The following B4GALNT3 variants were observed in gnomAD, a reference collection of about 807,000 sequenced individuals.
B4GALNT3 encodes beta-1,4-N-acetyl-galactosaminyltransferase 3, also known as beta-1,4-N-acetylgalactosaminyltransferase 3.
In B4GALNT3, 86 loss-of-function variants were observed where a neutral mutation model predicts 120.2. The observed-to-expected ratio is 0.72, with a 90% CI of 0.60 to 0.86. B4GALNT3 has a LOEUF of 0.86. Ranked by LOEUF, B4GALNT3 falls within the 40% of genes least tolerant of loss-of-function variation. The pLI is 0.00. For missense variants in B4GALNT3, 1,167 were observed against 1,298.9 expected (o/e 0.90, Z 1.56); for synonymous variants, 518 against 510.4 (o/e 1.01, Z -0.20).
chr12:476,567 C>T (rs902852256), intron 1 of B4GALNT3, among the ~76,000 whole-genome samples: 6 of 152,150 alleles, frequency 3.9e-5, no homozygotes, highest in African/African-American at 9.7e-5. Flanking sequence ...GCTGTGATCA[C>T]GCCACTGCAC....
At chr12:530,451 C>T (rs114694646) in intron 1 of B4GALNT3, among the ~76,000 whole-genome samples, 16 of 152,326 alleles carry the variant, frequency 1.1e-4, no homozygotes, top group African/African-American at 3.4e-4. Context: ...GCCTGGGCAG[C>T]GAGAGACTTC....
chr12:469,879 T>A (rs1946118572), intron 1 of B4GALNT3, among the ~76,000 whole-genome samples: 1 of 152,154 alleles, frequency 6.6e-6, no homozygotes, highest in Non-Finnish European at 1.5e-5. Flanking sequence ...CCTGAACTCT[T>A]AGGCTCAAGG....
intron 1 of B4GALNT3, among the ~76,000 whole-genome samples, chr12:528,825 C>T (rs1012013505): frequency 5.3e-5 from 8 of 152,210 alleles, no homozygotes; most frequent in Admixed American, 1.3e-4. Flanking sequence ...TGTGGAACTG[C>T]GCCCTGGATG....
In B4GALNT3 at chr12:512,921, G is replaced by GCCTTCCA. The variant is rs1315535233; in HGVS notation, c.170-22225_170-22219dup. 2.0e-3 allele frequency among the ~76,000 whole-genome samples: 148 copies of GCCTTCCA among 75,532 alleles called. 1 individual carries two copies. The highest frequency in any genetic ancestry group is 7.0e-3 in the African/African-American group (137 of 19,486). 49.6% of individuals were successfully genotyped at this position (75,532 alleles called of 152,430 possible). On this transcript the variant is annotated intron_variant, in intron 1 of 19. Coordinates refer to ENST00000266383, the MANE Select transcript of B4GALNT3 (RefSeq NM_173593.4). The stretch of plus-strand genomic sequence containing the variant: ...TTCCGCCTTCCGCTTTCCACCTTCT[G>GCCTTCCA]CCTTCCACCTTCCACCTTCCACCTT...
chr12:554,615 C>T (rs943361172), intron 14 of B4GALNT3, among the ~76,000 whole-genome samples: 4 of 150,516 alleles, frequency 2.7e-5, no homozygotes, highest in African/African-American at 7.3e-5. Flanking sequence ...ACGGTGAAAC[C>T]CCGTCTCTAC....
chr12:500,886 G>C (rs1397929900), intron 1 of B4GALNT3, among the ~76,000 whole-genome samples: 1 of 5,648 alleles, frequency 1.8e-4, no homozygotes, highest in African/African-American at 7.8e-4. Flanking sequence ...TTTTTTTTTT[G>C]ACACAGGGTC....
chr12:561,555 C>A lies in B4GALNT3; in HGVS notation c.*104C>A. ...ATGGGGAGTGGGGTGACGGCTGGAC[C>A]CCAAGAGGCCTCGAAGCTGACGGCC... On this transcript the variant is annotated 3_prime_UTR_variant, in exon 20 of 20. Coordinates refer to ENST00000266383, the MANE Select transcript of B4GALNT3 (RefSeq NM_173593.4). 2 of 903,184 alleles carry A rather than the reference C, an allele frequency of 2.2e-6. No individual in the cohort carries two copies. The highest frequency in any genetic ancestry group is 3.4e-6 in the Non-Finnish European group (2 of 595,780). The allele number at this position is 903,184 out of a possible 1,614,324, so 55.9% of individuals were successfully genotyped here. A position where few individuals can be genotyped will look rare whatever the true frequency, so the allele number is the denominator to read the frequency against.
intron 1 of B4GALNT3, among the ~76,000 whole-genome samples, chr12:509,657 C>A (rs1300565662): frequency 6.6e-6 from 1 of 152,146 alleles, no homozygotes; most frequent in East Asian, 1.9e-4. Flanking sequence ...CACTCCAGGA[C>A]AGGATCTGAC....
chr12:500,865 C>CCTTTTTTTTTTTTTTTTTTTTTTT (rs2043817132), intron 1 of B4GALNT3, among the ~76,000 whole-genome samples: 1 of 61,830 alleles, frequency 1.6e-5, no homozygotes, highest in African/African-American at 7.5e-5. Flanking sequence ...GGCTCCACTG[C>CCTTTTTTTTTTTTTTTTTTTTTTT]TTTTTTTTTT....
At chr12:524,267 A>G (rs946588242) in intron 1 of B4GALNT3, among the ~76,000 whole-genome samples, 5 of 152,316 alleles carry the variant, frequency 3.3e-5, no homozygotes, top group African/African-American at 9.6e-5. Context: ...CGTCCTATTT[A>G]TCACTACCAA....
At chr12:535,130 C>T (rs750376502) in intron 1 of B4GALNT3, 36 bp from the exon 2 acceptor site, 24 of 1,569,096 alleles carry the variant, frequency 1.5e-5, no homozygotes, top group Admixed American at 1.7e-5. Flanking sequence ...TTCCAGGTTA[C>T]GCTGACCTGA....
At chr12:530,079 C>T (rs906110947) in intron 1 of B4GALNT3, among the ~76,000 whole-genome samples, 3 of 141,566 alleles carry the variant, frequency 2.1e-5, no homozygotes, top group Non-Finnish European at 4.5e-5. Flanking sequence ...CGTGTACCTT[C>T]GGTAAAGGTG....
Position 460,361 on chromosome 12 carries a change from G to C in B4GALNT3, c.-16G>C. On this transcript the variant is annotated 5_prime_UTR_variant, in exon 1 of 20. Transcript: ENST00000266383. The surrounding 1 kb of genome is among the most constrained non-coding windows in gnomAD (Gnocchi z 8.0). ...GTTGGAGCCCGCGCTGGCGGCGGCC[G>C]CCTCGGCGCAGCGCCATGGGGAGCC... 8.6e-7 allele frequency: 1 copy of C among 1,159,636 alleles called. No homozygotes were observed. Among genetic ancestry groups the C allele is most frequent in the Non-Finnish European group, 1.1e-6 (1 of 942,572 alleles). The allele number at this position is 1,159,636 out of a possible 1,614,324, so 71.8% of individuals were successfully genotyped here.
rs1946504954 is a variant in B4GALNT3, at chr12:507,096, T to C, written c.170-28070T>C. Among the ~76,000 whole-genome samples the C allele has an allele frequency of 2.0e-5, 3 of 152,240 alleles. No homozygotes were observed. In the South Asian group the frequency reaches 6.2e-4, roughly 31 times the overall value. On this transcript the variant is annotated intron_variant, in intron 1 of 19. Transcript: ENST00000266383. ...ACATTTGTCATGATTAATGAACCAA[T>C]ATCGGATGTTATTATTAACTCAAGT... is the stretch of plus-strand genomic sequence containing the variant.
intron 19 of B4GALNT3, 98 bp from the exon 20 acceptor site, chr12:561,245 C>A: frequency 1.1e-6 from 1 of 878,004 alleles, no homozygotes; most frequent in Non-Finnish European, 1.8e-6. Context: ...CCTTCCCTGC[C>A]CCGTGGGGAG....
At position 561,688 on chromosome 12, in the gene B4GALNT3, C is replaced by G; in HGVS notation, c.*237C>G. The G allele has an allele frequency of 3.9e-6, 2 of 506,996 alleles. No homozygotes were observed. Among genetic ancestry groups the G allele is most frequent in the Non-Finnish European group, 7.1e-6 (2 of 281,344 alleles). The allele number at this position is 506,996 out of a possible 1,614,324, so 31.4% of individuals were successfully genotyped here. On this transcript the variant is annotated 3_prime_UTR_variant, in exon 20 of 20. Transcript: ENST00000266383. ...TTGAGAGAGAGGCCAGGAGGGACCA[C>G]TTGCTCAGTCGAGAACGGGAAGAGC...
At chr12:470,238 T>C (rs1297035358) in intron 1 of B4GALNT3, among the ~76,000 whole-genome samples, 1 of 152,204 alleles carries the variant, frequency 6.6e-6, no homozygotes, top group Non-Finnish European at 1.5e-5. Flanking sequence ...CTCCCAATAG[T>C]TCTGACTGCT....
Position 559,736 on chromosome 12 carries a change from G to A in B4GALNT3, c.2888+315G>A, listed in dbSNP as rs199966150. ...TGTTCTCAGCACCAAGCAGGGCACC[G>A]TGGGAGAGACTGCATCCTCCCCAGC... On this transcript the variant is annotated intron_variant, in intron 19 of 19. Coordinates refer to ENST00000266383, the MANE Select transcript of B4GALNT3 (RefSeq NM_173593.4). 1.4e-4 allele frequency among the ~76,000 whole-genome samples: 21 copies of A among 152,250 alleles called. No homozygotes were observed. The East Asian group carries it at 1.6e-3, about 11-fold the overall frequency.
At chr12:508,185 A>G in intron 1 of B4GALNT3, among the ~76,000 whole-genome samples, 1 of 152,210 alleles carries the variant, frequency 6.6e-6, no homozygotes, top group Non-Finnish European at 1.5e-5. Flanking sequence ...GGGACATCCA[A>G]TTCATATTCG....
Sources: gnomAD v4.1 joint callset for allele counts (sites outside exome capture counted in the v4.1 genomes callset) on GRCh38, gnomAD v4.1.1 for gene constraint, Gnocchi (gnomAD v3.1) non-coding constraint, MANE v1.5 for transcripts, NCBI Gene and HGNC (gene_info 2026-07-23, HGNC 2026-07-21) for gene names.